ASAP1: variants seen among roughly 807,000 people sequenced by gnomAD.
The protein encoded by ASAP1 is arf-GAP with SH3 domain, ANK repeat and PH domain-containing protein 1.
ASAP1 carries 43 observed loss-of-function variants against 145.2 expected under a neutral mutation model. That is an observed-to-expected ratio of 0.30 (90% CI 0.23 to 0.38). The LOEUF (loss-of-function observed/expected upper bound fraction) is 0.38. Ranked by LOEUF, ASAP1 falls within the 10% of genes least tolerant of loss-of-function variation. The pLI is 1.00. For synonymous variants in ASAP1, 546 were observed against 515.5 expected, an observed-to-expected ratio of 1.06 and a Z score of -0.80; for missense variants, 1,018 against 1,355.3, an observed-to-expected ratio of 0.75 and a Z score of 3.91.
At chr8:130,208,069 T>C (rs998105957) in intron 5 of ASAP1, among the ~76,000 whole-genome samples, 2 of 152,030 alleles carry the variant, frequency 1.3e-5, no homozygotes, top group Admixed American at 6.5e-5. Context: ...ATTTGATAGG[T>C]TATACTTTTA....
chr8:130,089,279 G>GA (rs2097500608), intron 25 of ASAP1, among the ~76,000 whole-genome samples: 1 of 152,148 alleles, frequency 6.6e-6, no homozygotes. Flanking sequence ...AGATCTGAGA[G>GA]AAAAAAATAG....
chr8:130,254,352 T>C (rs1260523706), intron 3 of ASAP1, among the ~76,000 whole-genome samples: 2 of 152,320 alleles, frequency 1.3e-5, no homozygotes, highest in East Asian at 1.9e-4. Context: ...GTGACTAGTA[T>C]AAAACAAGAA....
chr8:130,079,212 G>A (rs1196342194), intron 26 of ASAP1, among the ~76,000 whole-genome samples: 1 of 152,040 alleles, frequency 6.6e-6, no homozygotes, highest in Admixed American at 6.6e-5. Context: ...GAGAGATTTT[G>A]TTTTCTCATC....
At chr8:130,192,849 T>C (rs1192725332) in intron 5 of ASAP1, among the ~76,000 whole-genome samples, 3 of 152,160 alleles carry the variant, frequency 2.0e-5, no homozygotes, top group Admixed American at 6.5e-5. Context: ...AGAAATGAAA[T>C]ACAGAATCAT....
chr8:130,118,438 A>G (rs368059983), intron 19 of ASAP1, 51 bp downstream of exon 19: 89 of 1,546,984 alleles, frequency 5.8e-5, no homozygotes, highest in Non-Finnish European at 7.5e-5. Context: ...GTCACCTTTT[A>G]AACTGATTTT....
At chr8:130,251,015 ATAAAG>A (rs1341846700) in intron 3 of ASAP1, among the ~76,000 whole-genome samples, 6 of 152,322 alleles carry the variant, frequency 3.9e-5, no homozygotes, top group African/African-American at 1.4e-4. Flanking sequence ...CCCAACAAAG[ATAAAG>A]TAAATAATTA....
At position 130,101,732 on chromosome 8, in the gene ASAP1, A is replaced by ATTTTTTTTTTTT. The variant is rs59778799; in HGVS notation, c.2402-9601_2402-9590dup. 1.2e-3 allele frequency among the ~76,000 whole-genome samples: 106 copies of ATTTTTTTTTTTT among 86,912 alleles called. 10 individuals are homozygous for ATTTTTTTTTTTT. The highest frequency in any genetic ancestry group is 4.9e-3 in the African/African-American group (88 of 18,086). The allele number at this position is 86,912 out of a possible 152,430, so 57.0% of individuals were successfully genotyped here. On this transcript the variant is annotated intron_variant, in intron 24 of 29. Transcript: ENST00000518721. ...AGGCATGTGCTACCACACCTGGTTA[A>ATTTTTTTTTTTT]TTTTTTTTTTTTTTTTTTTTGCAGA... is the stretch of plus-strand genomic sequence containing the variant.
rs142060566 is a variant in ASAP1, at chr8:130,171,150, T to A, written c.747-2083A>T. 9.1e-3 allele frequency among the ~76,000 whole-genome samples: 1,383 copies of A among 152,290 alleles called. 25 individuals carry two copies. The highest frequency in any genetic ancestry group is 0.031 in the African/African-American group (1,295 of 41,564). The stretch of plus-strand genomic sequence containing the variant: ...TGTTTTATCTCTTACCATTTTCCCT[T>A]AAAAACTCCAAGGTCTAGCCATGCT... On this transcript the variant is annotated intron_variant, in intron 9 of 29. Coordinates refer to ENST00000518721, the MANE Select transcript of ASAP1 (RefSeq NM_018482.4).
chr8:130,179,019 A>G, intron 9 of ASAP1: 1 of 360,194 alleles, frequency 2.8e-6, no homozygotes, highest in Non-Finnish European at 5.0e-6. Flanking sequence ...TTTAGGAAGA[A>G]GTATTTGTAA....
intron 3 of ASAP1, among the ~76,000 whole-genome samples, chr8:130,286,262 C>G (rs573116281): frequency 1.3e-5 from 2 of 152,292 alleles, no homozygotes; most frequent in African/African-American, 4.8e-5. Flanking sequence ...TTGGCGAAAA[C>G]TGGGCCATAA....
intron 25 of ASAP1, among the ~76,000 whole-genome samples, chr8:130,091,641 T>A (rs537050907): frequency 6.6e-6 from 1 of 152,360 alleles, no homozygotes; most frequent in Admixed American, 6.5e-5. Flanking sequence ...TTCTGGCTGT[T>A]GTGAGGAAAA....
At chr8:130,346,671 T>C (rs1162957892) in intron 3 of ASAP1, among the ~76,000 whole-genome samples, 1 of 151,664 alleles carries the variant, frequency 6.6e-6, no homozygotes, top group African/African-American at 2.4e-5. Flanking sequence ...TTCAAACTCT[T>C]ACACACAAAA....
At chr8:130,323,455 T>C (rs1472271835) in intron 3 of ASAP1, among the ~76,000 whole-genome samples, 2 of 152,214 alleles carry the variant, frequency 1.3e-5, no homozygotes, top group Non-Finnish European at 2.9e-5. Context: ...CCTAGCTCTA[T>C]CAGACAAATA....
chr8:130,072,777 T>C lies in ASAP1; in HGVS notation c.2701+3571A>G, dbSNP rs1422197373. On this transcript the variant is annotated intron_variant, in intron 27 of 29. Coordinates refer to ENST00000518721, the MANE Select transcript of ASAP1 (RefSeq NM_018482.4). ...CAGTCAGTCAGAAGTTCTGAAGGCCTGGACTTGCAATTGATATGTGTGTGT... is the reference window on the plus strand; with the variant it reads ...CAGTCAGTCAGAAGTTCTGAAGGCCCGGACTTGCAATTGATATGTGTGTGT... 3.5e-4 allele frequency among the ~76,000 whole-genome samples: 35 copies of C among 100,850 alleles called. 2 individuals are homozygous for C. In the Admixed American group the frequency reaches 3.7e-3, roughly 11 times the overall value. The allele number at this position is 100,850 out of a possible 152,430, so 66.2% of individuals were successfully genotyped here. A position where few individuals can be genotyped will look rare whatever the true frequency, so the allele number is the denominator to read the frequency against.
chr8:130,094,481 T>TA (rs1393725509), intron 24 of ASAP1, among the ~76,000 whole-genome samples: 1 of 152,120 alleles, frequency 6.6e-6, no homozygotes, highest in East Asian at 1.9e-4. Flanking sequence ...GTGCTAGAAT[T>TA]ATAGGCGTGA....
chr8:130,119,660 G>A (rs538613039), intron 18 of ASAP1, among the ~76,000 whole-genome samples: 7 of 152,194 alleles, frequency 4.6e-5, no homozygotes, highest in Admixed American at 1.3e-4. Flanking sequence ...GGATCCAGCT[G>A]TACCTGAATC....
At chr8:130,359,450 G>GAA (rs796369790) in intron 2 of ASAP1, among the ~76,000 whole-genome samples, 1 of 149,180 alleles carries the variant, frequency 6.7e-6, no homozygotes, top group African/African-American at 2.5e-5. Flanking sequence ...AGAAGAAGAA[G>GAA]AAAAAAAAAG....
Position 130,405,187 on chromosome 8 carries a change from C to T in ASAP1, c.-27-3217G>A, listed in dbSNP as rs141736515. 4.6e-5 allele frequency among the ~76,000 whole-genome samples: 7 copies of T among 152,280 alleles called. No homozygotes were observed. In the East Asian group the frequency reaches 1.3e-3, roughly 29 times the overall value. On this transcript the variant is annotated intron_variant, in intron 1 of 29. Transcript: ENST00000518721. ...ACAGCACAAGTATGATGACCACTGA[C>T]AGCTGTTCTTGCAGAATTCCCACCT...
At chr8:130,076,598 T>C (rs2097462935) in intron 26 of ASAP1, among the ~76,000 whole-genome samples, 192 bp from the exon 27 acceptor site, 1 of 152,176 alleles carries the variant, frequency 6.6e-6, no homozygotes, top group Non-Finnish European at 1.5e-5. Flanking sequence ...CTCTGCTCAC[T>C]GCAACCTCGG....
Sources: allele counts gnomAD v4.1 joint callset (sites outside exome capture counted in the v4.1 genomes callset), GRCh38; gene constraint gnomAD v4.1.1; transcripts MANE v1.5; gene names NCBI Gene and HGNC (gene_info 2026-07-23, HGNC 2026-07-21).